The following IPCEF1 variants were observed in gnomAD, a reference collection of about 807,000 sequenced individuals.
IPCEF1 encodes interaction protein for cytohesin exchange factors 1.
A neutral mutation model predicts 50.9 loss-of-function variants in IPCEF1; 31 were observed. That is an observed-to-expected ratio of 0.61 (90% CI 0.46 to 0.82). IPCEF1 has a LOEUF of 0.82. Among genes scored for constraint, IPCEF1 ranks in the 40% least tolerant of loss-of-function variants. The pLI is 0.00. For missense variants in IPCEF1, 458 were observed against 514.0 expected (o/e 0.89, Z 1.05); for synonymous variants, 181 against 192.0 (o/e 0.94, Z 0.47).
intron 5 of IPCEF1, among the ~76,000 whole-genome samples, chr6:154,225,557 A>C (rs945419481): frequency 3.3e-5 from 5 of 152,218 alleles, no homozygotes; most frequent in Non-Finnish European, 7.4e-5. Context: ...GAGAGACAGA[A>C]CACAGCTAAT....
At chr6:154,307,309 G>A (rs1008654191) in intron 1 of IPCEF1, among the ~76,000 whole-genome samples, 36 of 152,040 alleles carry the variant, frequency 2.4e-4, no homozygotes, top group Admixed American at 1.8e-3. Context: ...TTAAAATGGG[G>A]GTTTCTCTGC....
Position 154,256,424 on chromosome 6 carries a change from G to A in IPCEF1, c.37-8936C>T, listed in dbSNP as rs1477533462. The stretch of plus-strand genomic sequence containing the variant: ...GAATAGGAGGGACACAAATATCCAG[G>A]CTATGATAGAATTTAAATTTGCAGA... On this transcript the variant is annotated intron_variant, in intron 3 of 11. Transcript: ENST00000367220. Among the ~76,000 whole-genome samples, 14 of 152,176 alleles carry A rather than the reference G, an allele frequency of 9.2e-5. No individual in the cohort carries two copies. In the East Asian group the frequency reaches 2.5e-3, roughly 27 times the overall value.
At chr6:154,229,674 A>G (rs1779572620) in intron 5 of IPCEF1, among the ~76,000 whole-genome samples, 1 of 152,174 alleles carries the variant, frequency 6.6e-6, no homozygotes, top group Non-Finnish European at 1.5e-5. Flanking sequence ...GTTTCTAAAA[A>G]AAGTAAGCAT....
chr6:154,165,817 G>C (rs1799382335), intron 11 of IPCEF1, among the ~76,000 whole-genome samples: 1 of 152,216 alleles, frequency 6.6e-6, no homozygotes, highest in Non-Finnish European at 1.5e-5. Context: ...TCACTGTGTT[G>C]CTTGCTCTGA....
At chr6:154,261,332 G>A (rs1458956396) in intron 3 of IPCEF1, among the ~76,000 whole-genome samples, 1 of 152,156 alleles carries the variant, frequency 6.6e-6, no homozygotes, top group Non-Finnish European at 1.5e-5. Flanking sequence ...CGGCCTTAAA[G>A]TATGAAGTTT....
At chr6:154,214,950 AG>A (rs1156513048) in intron 7 of IPCEF1, among the ~76,000 whole-genome samples, 1 of 152,224 alleles carries the variant, frequency 6.6e-6, no homozygotes, top group Non-Finnish European at 1.5e-5. Flanking sequence ...TTCCTTCTCA[AG>A]GGTTTACTTA....
At chr6:154,182,619 T>C (rs988138097) in intron 10 of IPCEF1, among the ~76,000 whole-genome samples, 5 of 152,226 alleles carry the variant, frequency 3.3e-5, no homozygotes, top group Non-Finnish European at 5.9e-5. Flanking sequence ...ACAAAAAAGA[T>C]ATTTGATCGC....
chr6:154,339,938 C>T (rs1055037626), intron 1 of IPCEF1, among the ~76,000 whole-genome samples: 2 of 151,870 alleles, frequency 1.3e-5, no homozygotes, highest in African/African-American at 2.4e-5. Context: ...TTGTAAATAA[C>T]GTCAGTAATG....
intron 1 of IPCEF1, among the ~76,000 whole-genome samples, chr6:154,349,754 AAAAAATCTATCCAGTCAC>A (rs1293344081): frequency 1.3e-5 from 2 of 152,200 alleles, no homozygotes; most frequent in East Asian, 1.9e-4. Flanking sequence ...TCCAAATTTG[AAAAAATCTATCCAGTCAC>A]AGATTTCTAC....
intron 10 of IPCEF1, among the ~76,000 whole-genome samples, chr6:154,169,651 C>T (rs968191585): frequency 7.2e-5 from 11 of 152,190 alleles, no homozygotes; most frequent in African/African-American, 2.7e-4. Context: ...CCTCATCTTG[C>T]CACACAGACT....
At chr6:154,351,956 G>A (rs964707975) in intron 1 of IPCEF1, among the ~76,000 whole-genome samples, 1 of 152,140 alleles carries the variant, frequency 6.6e-6, no homozygotes, top group East Asian at 1.9e-4. Flanking sequence ...CATAGGGAGC[G>A]GAAAAACACA....
intron 5 of IPCEF1, among the ~76,000 whole-genome samples, chr6:154,233,112 G>A (rs1027924106): frequency 6.6e-6 from 1 of 152,004 alleles, no homozygotes; most frequent in African/African-American, 2.4e-5. Context: ...GGGGTTACAG[G>A]CATGTGCCGC....
rs962637106 is a variant in IPCEF1 at position 154,158,916 on chromosome 6, GT to G, written c.*911del. On this transcript the variant is annotated 3_prime_UTR_variant, in exon 12 of 12. Transcript: ENST00000367220. ...TGCTTCCATGGGTTTTTGTTTTTTT[GT>G]TTTTTTGAGTAAAGATATTAAAACA... 1 of 151,362 alleles carries G rather than the reference GT, an allele frequency of 6.6e-6. No homozygotes were observed. Among genetic ancestry groups the G allele is most frequent in the Non-Finnish European group, 1.5e-5 (1 of 67,804 alleles). The allele number at this position is 151,362 out of a possible 1,614,324, so 9.4% of individuals were successfully genotyped here.
intron 10 of IPCEF1, among the ~76,000 whole-genome samples, chr6:154,189,531 A>G (rs963299907): frequency 6.6e-6 from 1 of 152,236 alleles, no homozygotes; most frequent in African/African-American, 2.4e-5. Context: ...ACTATAGCAA[A>G]TAACAATGTA....
chr6:154,160,657 A>G (rs1297567487), intron 11 of IPCEF1, among the ~76,000 whole-genome samples: 1 of 152,160 alleles, frequency 6.6e-6, no homozygotes, highest in African/African-American at 2.4e-5. Context: ...TCTGTAACCA[A>G]TGGCACACAT....
chr6:154,214,372 C>A, intron 7 of IPCEF1, 96 bp from the exon 8 acceptor site: 1 of 861,384 alleles, frequency 1.2e-6, no homozygotes, highest in South Asian at 1.3e-5. Flanking sequence ...GGTCATGATT[C>A]TACCATCAGT....
intron 6 of IPCEF1, among the ~76,000 whole-genome samples, chr6:154,222,049 A>G (rs1204913434): frequency 6.6e-6 from 1 of 152,242 alleles, no homozygotes; most frequent in Non-Finnish European, 1.5e-5. Context: ...TCAATCAAAT[A>G]TACAGAAGAA....
intron 1 of IPCEF1, among the ~76,000 whole-genome samples, chr6:154,301,044 T>C (rs1431068998): frequency 6.6e-6 from 1 of 152,240 alleles, no homozygotes; most frequent in Non-Finnish European, 1.5e-5. Context: ...AAGCATATTT[T>C]ACAGTCAATT....
At chr6:154,223,594 C>A (rs1035377589) in intron 5 of IPCEF1, among the ~76,000 whole-genome samples, 2 of 152,190 alleles carry the variant, frequency 1.3e-5, no homozygotes, top group Admixed American at 6.5e-5. Context: ...GCATCCACAG[C>A]ATCTTCTATT....
Sources: allele counts gnomAD v4.1 joint callset (sites outside exome capture counted in the v4.1 genomes callset), GRCh38; gene constraint gnomAD v4.1.1; transcripts MANE v1.5; gene names NCBI Gene and HGNC (gene_info 2026-07-23, HGNC 2026-07-21).